CPED1: variants seen among roughly 807,000 people sequenced by gnomAD.
CPED1 encodes cadherin like and PC-esterase domain containing 1.
A neutral mutation model predicts 128.2 loss-of-function variants in CPED1; 114 were observed. The ratio of observed to expected loss-of-function variants is 0.89; its 90% CI spans 0.76 to 1.04. The LOEUF (loss-of-function observed/expected upper bound fraction) is 1.04, where lower values mean the gene tolerates loss of function less well. Among genes scored for constraint, CPED1 ranks in the 50% least tolerant of loss-of-function variants. CPED1 has a pLI of 0.00. For synonymous variants in CPED1, 462 were observed against 426.7 expected (o/e 1.08, Z -1.02); for missense variants, 1,211 against 1,207.1 (o/e 1.00, Z -0.05).
intron 7 of CPED1, among the ~76,000 whole-genome samples, chr7:121,117,281 A>G (rs1018673078): frequency 2.0e-5 from 3 of 151,384 alleles, no homozygotes; most frequent in Non-Finnish European, 2.9e-5. Flanking sequence ...TTGTATTTTT[A>G]GTTGAGACGG....
chr7:121,145,458 T>A (rs1796004139), intron 16 of CPED1, among the ~76,000 whole-genome samples: 1 of 152,072 alleles, frequency 6.6e-6, no homozygotes, highest in Non-Finnish European at 1.5e-5. Context: ...GGTCCCACAG[T>A]AAGTATTATA....
At chr7:121,006,778 T>A (rs963313383) in intron 2 of CPED1, among the ~76,000 whole-genome samples, 1 of 152,218 alleles carries the variant, frequency 6.6e-6, no homozygotes, top group Non-Finnish European at 1.5e-5. Context: ...GTGTTATGTC[T>A]GTGAGGTTAC....
intron 3 of CPED1, among the ~76,000 whole-genome samples, chr7:121,040,240 C>T (rs556199090): frequency 2.2e-4 from 34 of 152,178 alleles, no homozygotes; most frequent in African/African-American, 7.2e-4. Context: ...CTCAAGCTTC[C>T]GTACATACGA....
rs576828607 is a variant in CPED1, at chr7:121,023,563, A to T, written c.433+7715A>T. Among the ~76,000 whole-genome samples, 13 of 152,302 alleles carry T rather than the reference A, an allele frequency of 8.5e-5. 1 individual carries two copies. The South Asian group carries it at 2.5e-3, about 29-fold the overall frequency. On this transcript the variant is annotated intron_variant, in intron 3 of 22. Coordinates refer to ENST00000310396, the MANE Select transcript of CPED1 (RefSeq NM_024913.5). Reference sequence around the variant, plus strand: ...TGAGAGAAAACAAGACAAAAATGTGAATCTCTATCATTGCAGGGATTCATT... The same window carrying T: ...TGAGAGAAAACAAGACAAAAATGTGTATCTCTATCATTGCAGGGATTCATT...
chr7:121,206,468 G>A (rs901975860), intron 16 of CPED1, among the ~76,000 whole-genome samples: 25 of 151,930 alleles, frequency 1.6e-4, no homozygotes, highest in Non-Finnish European at 2.9e-5. Context: ...CAGCCATGAT[G>A]ACCTTTTAAT....
rs766277489 is a variant in CPED1, at chr7:121,266,770, T to C, written c.2595T>C (p.Asn865=). ...VLVVGGVQWL[N]SNHLQIIHKV... ...TTGTTGGTGGTGTTCAGTGGCTTAA[T>C]TCCAATCACCTGCAAATTATTCACA... is the stretch of plus-strand genomic sequence containing the variant. The change falls in exon 20 of 23, where the codon AAT becomes AAC. Residue 865 remains asparagine (N), a synonymous_variant. Transcript: ENST00000310396. The C allele has an allele frequency of 1.9e-6, 3 of 1,612,938 alleles. No homozygotes were observed. Among genetic ancestry groups the C allele is most frequent in the Non-Finnish European group, 2.5e-6 (3 of 1,179,230 alleles).
intron 14 of CPED1, among the ~76,000 whole-genome samples, chr7:121,138,117 A>G (rs1264374154): frequency 2.0e-5 from 3 of 152,086 alleles, no homozygotes; most frequent in Non-Finnish European, 4.4e-5. Flanking sequence ...AAGATTTAAA[A>G]ATAATGTAAG....
intron 16 of CPED1, among the ~76,000 whole-genome samples, chr7:121,207,169 C>G (rs1325735651): frequency 1.3e-5 from 2 of 151,882 alleles, no homozygotes; most frequent in African/African-American, 4.8e-5. Context: ...TTCAGATTTT[C>G]TTATGCTTTG....
chr7:121,269,358 GT>G (rs751888720), intron 21 of CPED1, among the ~76,000 whole-genome samples: 7 of 152,084 alleles, frequency 4.6e-5, no homozygotes, highest in Non-Finnish European at 1.0e-4. Flanking sequence ...ATAGTATTCT[GT>G]GGTAAATATG....
At chr7:121,153,282 C>T (rs1326709178) in intron 16 of CPED1, among the ~76,000 whole-genome samples, 1 of 152,132 alleles carries the variant, frequency 6.6e-6, no homozygotes, top group Non-Finnish European at 1.5e-5. Context: ...TTATAATCAA[C>T]TAAATGAGAA....
At chr7:121,172,232 C>T (rs1455000636) in intron 16 of CPED1, among the ~76,000 whole-genome samples, 1 of 152,102 alleles carries the variant, frequency 6.6e-6, no homozygotes, top group Non-Finnish European at 1.5e-5. Flanking sequence ...AGCTTGAATG[C>T]TTGGAGAGAC....
Position 121,021,162 on chromosome 7 carries a change from AT to A in CPED1, c.433+5317del, listed in dbSNP as rs1389932035. 3.3e-5 allele frequency among the ~76,000 whole-genome samples: 5 copies of A among 152,046 alleles called. 1 individual carries two copies. In the South Asian group the frequency reaches 8.3e-4, roughly 25 times the overall value. ...TTCAACTCCTAATAAGGACACTCTT[AT>A]TTACCCACATGTGTTCTTGGGAAAT... On this transcript the variant is annotated intron_variant, in intron 3 of 22. Coordinates refer to ENST00000310396, the MANE Select transcript of CPED1 (RefSeq NM_024913.5).
chr7:121,020,377 C>T lies in CPED1; in HGVS notation c.433+4529C>T, dbSNP rs558490774. 2.5e-3 allele frequency among the ~76,000 whole-genome samples: 373 copies of T among 152,108 alleles called. 1 individual carries two copies. The highest frequency in any genetic ancestry group is 8.5e-3 in the African/African-American group (354 of 41,546). On this transcript the variant is annotated intron_variant, in intron 3 of 22. Coordinates refer to ENST00000310396, the MANE Select transcript of CPED1 (RefSeq NM_024913.5). Reference sequence around the variant, plus strand: ...ATTAGAACACTGCCACTCTCCTCTGCTTTTGTATTGCCTTTGGCAGCATTT... The same window carrying T: ...ATTAGAACACTGCCACTCTCCTCTGTTTTTGTATTGCCTTTGGCAGCATTT...
At chr7:121,180,745 A>G (rs1796882485) in intron 16 of CPED1, among the ~76,000 whole-genome samples, 1 of 152,190 alleles carries the variant, frequency 6.6e-6, no homozygotes, top group Middle Eastern at 3.4e-3. Flanking sequence ...TGATTTTTAG[A>G]TGATCTACCT....
Position 121,110,447 on chromosome 7 carries a change from T to C in CPED1, c.918+10353T>C, listed in dbSNP as rs543857688. Among the ~76,000 whole-genome samples, 16 of 152,290 alleles carry C rather than the reference T, an allele frequency of 1.1e-4. No homozygotes were observed. In the South Asian group the frequency reaches 3.3e-3, roughly 32 times the overall value. On this transcript the variant is annotated intron_variant, in intron 7 of 22. Coordinates refer to ENST00000310396, the MANE Select transcript of CPED1 (RefSeq NM_024913.5). ...GGAACTAACTGGTCTGCCCACTTTATGAGAGGTAGAAAGATTGCCCTGAAT... is the reference window on the plus strand; with the variant it reads ...GGAACTAACTGGTCTGCCCACTTTACGAGAGGTAGAAAGATTGCCCTGAAT...
At chr7:121,264,550 G>C (rs1349244996) in intron 18 of CPED1, among the ~76,000 whole-genome samples, 2 of 152,026 alleles carry the variant, frequency 1.3e-5, no homozygotes, top group African/African-American at 4.8e-5. Context: ...TGAGCTGAAG[G>C]CAAATTGGAG....
chr7:121,036,509 T>G (rs56368607), intron 3 of CPED1, among the ~76,000 whole-genome samples: 2 of 115,532 alleles, frequency 1.7e-5, no homozygotes. Flanking sequence ...ATATATATAT[T>G]TTTTTTTTCT....
At chr7:121,133,056 T>G (rs965036518) in intron 12 of CPED1, among the ~76,000 whole-genome samples, 1 of 152,072 alleles carries the variant, frequency 6.6e-6, no homozygotes, top group Non-Finnish European at 1.5e-5. Flanking sequence ...CAAAGAAAAT[T>G]GTATTTAACT....
intron 7 of CPED1, among the ~76,000 whole-genome samples, chr7:121,118,441 T>A (rs1301085297): frequency 3.3e-5 from 5 of 151,560 alleles, no homozygotes; most frequent in African/African-American, 1.2e-4. Context: ...ATGCCTGTAA[T>A]CCCGGCTACT....
Sources: allele counts gnomAD v4.1 joint callset (sites outside exome capture counted in the v4.1 genomes callset), GRCh38; gene constraint gnomAD v4.1.1; transcripts MANE v1.5; gene names NCBI Gene and HGNC (gene_info 2026-07-23, HGNC 2026-07-21).